MAGI1: variants seen among roughly 807,000 people sequenced by gnomAD.
The protein encoded by MAGI1 is membrane-associated guanylate kinase, WW and PDZ domain-containing protein 1.
Under a neutral mutation model 139.9 loss-of-function variants are expected in MAGI1, and 58 were observed. The ratio of observed to expected loss-of-function variants is 0.41; its 90% CI spans 0.34 to 0.52. The LOEUF (loss-of-function observed/expected upper bound fraction) is 0.52, where lower values mean the gene tolerates loss of function less well. Ranked by LOEUF, MAGI1 falls within the 20% of genes least tolerant of loss-of-function variation. MAGI1 has a pLI of 0.12. For missense variants in MAGI1, 1,874 were observed against 1,901.6 expected, an observed-to-expected ratio of 0.99 and a Z score of 0.27; for synonymous variants, 812 against 737.9, an observed-to-expected ratio of 1.10 and a Z score of -1.63.
chr3:65,598,380 A>T (rs1480533269), intron 2 of MAGI1, among the ~76,000 whole-genome samples: 1 of 152,112 alleles, frequency 6.6e-6, no homozygotes, highest in Non-Finnish European at 1.5e-5. Context: ...TGGGTGGGTG[A>T]GGGCGAGGGA....
At chr3:65,848,902 G>A (rs1191052796) in intron 1 of MAGI1, among the ~76,000 whole-genome samples, 1 of 151,262 alleles carries the variant, frequency 6.6e-6, no homozygotes, top group Non-Finnish European at 1.5e-5. Flanking sequence ...AGTGAGTGGG[G>A]CCATGTGATT....
chr3:65,630,839 T>A (rs2084256049), intron 1 of MAGI1, among the ~76,000 whole-genome samples: 1 of 152,192 alleles, frequency 6.6e-6, no homozygotes, highest in Non-Finnish European at 1.5e-5. Context: ...AAAAGCCACC[T>A]GTACCCCAAA....
At chr3:65,424,825 A>G (rs1056501875) in intron 12 of MAGI1, among the ~76,000 whole-genome samples, 2 of 152,210 alleles carry the variant, frequency 1.3e-5, no homozygotes, top group Non-Finnish European at 2.9e-5. Context: ...TAGAGGCAGA[A>G]GCCTAACATT....
At chr3:65,514,502 A>G (rs1360192650) in intron 2 of MAGI1, among the ~76,000 whole-genome samples, 1 of 150,742 alleles carries the variant, frequency 6.6e-6, no homozygotes, top group Non-Finnish European at 1.5e-5. Context: ...GGCGAATGAC[A>G]TGAACAGACA....
chr3:65,992,768 G>A (rs2066247095), intron 1 of MAGI1, among the ~76,000 whole-genome samples: 1 of 152,246 alleles, frequency 6.6e-6, no homozygotes, highest in East Asian at 1.9e-4. Flanking sequence ...AAGGGGCAGA[G>A]ACTTTATCAG....
At chr3:65,960,102 C>T (rs775963554) in intron 1 of MAGI1, among the ~76,000 whole-genome samples, 2 of 152,044 alleles carry the variant, frequency 1.3e-5, no homozygotes, top group East Asian at 1.9e-4. Context: ...CCACCGCGCC[C>T]GGCCAATAAA....
At chr3:65,722,062 TACTC>T in intron 1 of MAGI1, among the ~76,000 whole-genome samples, 1 of 152,150 alleles carries the variant, frequency 6.6e-6, no homozygotes, top group Non-Finnish European at 1.5e-5. Context: ...CCAATCCTAC[TACTC>T]AGGGTCAGTT....
At chr3:65,375,337 C>T (rs1374505984) in intron 18 of MAGI1, among the ~76,000 whole-genome samples, 6 of 152,104 alleles carry the variant, frequency 3.9e-5, no homozygotes, top group East Asian at 1.9e-4. Flanking sequence ...TACAGGCGCC[C>T]GCCACCGCGC....
At chr3:65,698,674 T>C (rs1213437656) in intron 1 of MAGI1, among the ~76,000 whole-genome samples, 1 of 151,740 alleles carries the variant, frequency 6.6e-6, no homozygotes, top group Non-Finnish European at 1.5e-5. Context: ...GCTAGCCATA[T>C]GTAGAAAGCT....
At chr3:65,727,709 A>G (rs2033766200) in intron 1 of MAGI1, among the ~76,000 whole-genome samples, 1 of 152,204 alleles carries the variant, frequency 6.6e-6, no homozygotes, top group African/African-American at 2.4e-5. Flanking sequence ...GTTTCAATCA[A>G]TGAGTAACTA....
At chr3:65,729,226 C>T (rs2033948537) in intron 1 of MAGI1, among the ~76,000 whole-genome samples, 1 of 150,016 alleles carries the variant, frequency 6.7e-6, no homozygotes, top group African/African-American at 2.4e-5. Context: ...CTATTCCTGA[C>T]AGCAGGTCAC....
At chr3:65,782,128 A>G (rs1345194232) in intron 1 of MAGI1, among the ~76,000 whole-genome samples, 1 of 152,202 alleles carries the variant, frequency 6.6e-6, no homozygotes, top group Non-Finnish European at 1.5e-5. Flanking sequence ...AGGCAGAATA[A>G]TCACCCCAAA....
chr3:65,827,985 G>T (rs985031795), intron 1 of MAGI1, among the ~76,000 whole-genome samples: 24 of 152,240 alleles, frequency 1.6e-4, no homozygotes, highest in African/African-American at 5.5e-4. Flanking sequence ...TTTCCTTCCA[G>T]ATGAACCAGG....
intron 1 of MAGI1, among the ~76,000 whole-genome samples, chr3:65,840,028 G>C (rs1474830505): frequency 2.6e-5 from 4 of 152,086 alleles, no homozygotes; most frequent in Non-Finnish European, 5.9e-5. Context: ...GGAATTGTAA[G>C]TGGTATACAT....
At position 65,416,266 on chromosome 3, in the gene MAGI1, A is replaced by G. The variant is rs1481323304; in HGVS notation, c.2167+13254T>C. Among the ~76,000 whole-genome samples the G allele has an allele frequency of 2.0e-5, 3 of 152,348 alleles. No homozygotes were observed. The East Asian group carries it at 5.8e-4, about 29-fold the overall frequency. ...CTCAGGTTGCTGAATGAGTGGAGTC[A>G]ACAGCCAATGCTAGGGAAAGAAAGG... On this transcript the variant is annotated intron_variant, in intron 12 of 22. Transcript: ENST00000402939.
intron 22 of MAGI1, 83 bp from the exon 23 acceptor site, chr3:65,357,215 T>A (rs567367061): frequency 1.4e-6 from 2 of 1,384,570 alleles, no homozygotes; most frequent in East Asian, 4.7e-5. Flanking sequence ...ACTCGAGACC[T>A]CATTAGTCAC....
At chr3:65,705,373 A>G (rs1000605018) in intron 1 of MAGI1, among the ~76,000 whole-genome samples, 10 of 152,226 alleles carry the variant, frequency 6.6e-5, no homozygotes, top group African/African-American at 1.7e-4. Context: ...AGAGTATCTT[A>G]GTAAGCCCTC....
At chr3:65,965,416 T>C (rs765903676) in intron 1 of MAGI1, among the ~76,000 whole-genome samples, 1 of 152,152 alleles carries the variant, frequency 6.6e-6, no homozygotes, top group Non-Finnish European at 1.5e-5. Context: ...GCCATAAAAA[T>C]GAAGTAACTA....
chr3:65,401,725 A>G (rs1030949288), intron 12 of MAGI1: 47 of 1,490,944 alleles, frequency 3.2e-5, no homozygotes, highest in Middle Eastern at 1.8e-4. Context: ...GGAGGCTGGG[A>G]AAAGAAATTC....
Sources: allele counts gnomAD v4.1 joint callset (sites outside exome capture counted in the v4.1 genomes callset), GRCh38; gene constraint gnomAD v4.1.1; transcripts MANE v1.5; gene names NCBI Gene and HGNC (gene_info 2026-07-23, HGNC 2026-07-21).